The following RNF135 variants were observed in gnomAD, a reference collection of about 807,000 sequenced individuals.
The protein encoded by RNF135 is ring finger protein 135.
A neutral mutation model predicts 41.9 loss-of-function variants in RNF135; 46 were observed. The ratio of observed to expected loss-of-function variants is 1.10; its 90% CI spans 0.87 to 1.40. RNF135 has a LOEUF of 1.40. Ranked by LOEUF, RNF135 falls within the 40% of genes most tolerant of loss-of-function variation. RNF135 has a pLI of 0.00. For missense variants in RNF135, 539 were observed against 549.8 expected (o/e 0.98, Z 0.20); for synonymous variants, 238 against 223.8 (o/e 1.06, Z -0.57).
intron 1 of RNF135, among the ~76,000 whole-genome samples, chr17:30,974,276 G>T (rs973304763): frequency 6.6e-6 from 1 of 152,112 alleles, no homozygotes. Context: ...ACTTATGCTG[G>T]TACCACACTA....
At chr17:30,974,152 C>T (rs750633343) in intron 1 of RNF135, among the ~76,000 whole-genome samples, 2 of 152,078 alleles carry the variant, frequency 1.3e-5, no homozygotes, top group Non-Finnish European at 2.9e-5. Context: ...TGCAGTGAGC[C>T]GTGATTGTAC....
chr17:30,975,939 C>T (rs1906411534), intron 1 of RNF135: 1 of 557,978 alleles, frequency 1.8e-6, no homozygotes, highest in Non-Finnish European at 3.3e-6. Flanking sequence ...GCCTGTTCAT[C>T]TCTACAAAGT....
Position 30,997,265 on chromosome 17 carries a change from T to A in RNF135, c.703T>A (p.Ser235Thr), listed in dbSNP as rs911565466. Residue 235 changes from serine (S) to threonine (T), a missense_variant, in exon 4 of 5, where the codon TCC (serine) becomes ACC (threonine). Ser to Thr is a moderately conservative substitution (Grantham distance 58). This residue lies in a region of RNF135 where 262 missense variants were observed against 336.9 expected (regional missense o/e 0.78). Coordinates refer to ENST00000328381, the MANE Select transcript of RNF135 (RefSeq NM_032322.4). The part of the protein sequence containing the change: ...MQGELLEAPS[S>T]SSCPLPDQSH... ...AGGAGAACTCCTGGAAGCCCCGTCT[T>A]CCTCCTCATGCCCATTGCCTGACCA... 1.1e-5 allele frequency: 18 copies of A among 1,614,096 alleles called. No homozygotes were observed. The highest frequency in any genetic ancestry group is 1.5e-5 in the Non-Finnish European group (18 of 1,179,968).
intron 1 of RNF135, among the ~76,000 whole-genome samples, chr17:30,981,479 G>GT (rs762828693): frequency 2.0e-5 from 3 of 152,186 alleles, no homozygotes; most frequent in Non-Finnish European, 4.4e-5. Flanking sequence ...ATGTCTCCGA[G>GT]TTTTCTTAAA....
chr17:30,991,789 C>T (rs1447868912), intron 3 of RNF135, among the ~76,000 whole-genome samples: 1 of 152,090 alleles, frequency 6.6e-6, no homozygotes, highest in African/African-American at 2.4e-5. Context: ...TAAAAATTGA[C>T]ATTTAGGAGC....
At chr17:30,966,528 G>A (rs1007288327), upstream of RNF135, among the ~76,000 whole-genome samples, 3 of 149,974 alleles carry the variant, frequency 2.0e-5, no homozygotes, top group Middle Eastern at 3.2e-3. Flanking sequence ...ATGGAGTCTC[G>A]CTGTCGCCCA....
intron 4 of RNF135, 100 bp from the exon 5 acceptor site, chr17:30,998,562 T>G (rs926214917): frequency 4.2e-6 from 5 of 1,182,848 alleles, no homozygotes; most frequent in Non-Finnish European, 6.2e-6. Context: ...GAGTGAAACA[T>G]CACACCAAAA....
intron 1 of RNF135, 79 bp downstream of exon 1, chr17:30,971,524 C>G: frequency 7.1e-7 from 1 of 1,398,754 alleles, no homozygotes; most frequent in Non-Finnish European, 9.2e-7. Flanking sequence ...GGCTCGAACC[C>G]CTTTCCTCAG....
At chr17:30,971,662 C>T in intron 1 of RNF135, 1 of 1,350,424 alleles carries the variant, frequency 7.4e-7, no homozygotes, top group Non-Finnish European at 9.4e-7. Flanking sequence ...GAAAGCTTGT[C>T]AACTTAGCTG....
rs1905902186 is a variant in RNF135 at position 30,971,312 on chromosome 17, A to C, written c.239A>C (p.Asp80Ala). 1.3e-6 allele frequency: 2 copies of C among 1,533,916 alleles called. No individual in the cohort carries two copies. The highest frequency in any genetic ancestry group is 1.2e-5 in the South Asian group (1 of 83,240). ...PHLRKNTLLQDLADKYRRAAR... is the reference protein window; with the variant it reads ...PHLRKNTLLQALADKYRRAAR... ...CTGCGGAAGAACACGCTACTGCAGG[A>C]CCTGGCCGACAAGTACCGCCGCGCC... The change falls in exon 1 of 5, where the codon GAC (aspartate) becomes GCC (alanine). Residue 80 changes from aspartate to alanine, a missense_variant. Transcript: ENST00000328381.
intron 3 of RNF135, among the ~76,000 whole-genome samples, chr17:30,996,178 C>T (rs1908346100): frequency 6.6e-6 from 1 of 150,876 alleles, no homozygotes; most frequent in South Asian, 2.1e-4. Context: ...CAAACTCCGC[C>T]TCCCAGGTTC....
In RNF135 at chr17:30,976,449, A is replaced by G. The variant is rs184368386; in HGVS notation, c.372+5004A>G. On this transcript the variant is annotated intron_variant, in intron 1 of 4. Transcript: ENST00000328381. ...TCTGTAGCGTGGATGTAAATGTTCC[A>G]TAAATATCCATTAGGTCCATTTGAT... Among the ~76,000 whole-genome samples, 14 of 152,368 alleles carry G rather than the reference A, an allele frequency of 9.2e-5. 1 individual carries two copies. Among genetic ancestry groups the G allele is most frequent in the African/African-American group, 2.9e-4 (12 of 41,590 alleles).
chr17:30,964,314 G>A, the RNF135 span, among the ~76,000 whole-genome samples: 29,782 of 149,488 alleles, frequency 0.2, 9,449 homozygotes, highest in African/African-American at 0.68. Flanking sequence ...GCTTGAACCC[G>A]GGAGGCAAAT....
chr17:30,986,930 A>C (rs1163016497), intron 2 of RNF135, among the ~76,000 whole-genome samples: 1 of 152,140 alleles, frequency 6.6e-6, no homozygotes, highest in African/African-American at 2.4e-5. Flanking sequence ...CTACTTTGTG[A>C]GGTTGTTATG....
Position 30,974,794 on chromosome 17 carries a change from C to T in RNF135, c.372+3349C>T, listed in dbSNP as rs186353675. Among the ~76,000 whole-genome samples the T allele has an allele frequency of 2.0e-5, 3 of 152,056 alleles. No homozygotes were observed. In the East Asian group the frequency reaches 5.8e-4, roughly 29 times the overall value. On this transcript the variant is annotated intron_variant, in intron 1 of 4. Coordinates refer to ENST00000328381, the MANE Select transcript of RNF135 (RefSeq NM_032322.4). The stretch of plus-strand genomic sequence containing the variant: ...TCCCGGGTTCAAGTGATTCTCCTAC[C>T]TCAGCCTCCCGAGTAGCTGGGGTTA...
At chr17:30,971,546 T>G in intron 1 of RNF135, 101 bp downstream of exon 1, 1 of 1,379,126 alleles carries the variant, frequency 7.3e-7, no homozygotes, top group Non-Finnish European at 9.3e-7. Context: ...CGTTCTACTT[T>G]TACGTTCCTT....
the RNF135 span, chr17:30,965,180 C>G: frequency 6.6e-6 from 1 of 151,736 alleles, no homozygotes; most frequent in African/African-American, 2.4e-5. Flanking sequence ...TAAAACCTGG[C>G]CTCTATAAAA....
At chr17:30,969,749 TC>T (rs1459796187), upstream of RNF135, among the ~76,000 whole-genome samples, 38 of 148,704 alleles carry the variant, frequency 2.6e-4, no homozygotes, top group African/African-American at 9.0e-4. Flanking sequence ...TTCTTTTCTT[TC>T]TTTTTTTTCT....
At chr17:30,970,975 A>G, upstream of RNF135, 1 of 1,491,582 alleles carries the variant, frequency 6.7e-7, no homozygotes, top group South Asian at 1.2e-5. Flanking sequence ...GGCGGCCGAG[A>G]AAAGGAGGAG....
Sources: gnomAD v4.1 joint callset for allele counts (sites outside exome capture counted in the v4.1 genomes callset) on GRCh38, gnomAD v4.1.1 for gene constraint, gnomAD v4.1.1 regional missense constraint, MANE v1.5 for transcripts, NCBI Gene and HGNC (gene_info 2026-07-23, HGNC 2026-07-21) for gene names.